Variants in MED11 observed in about 807,000 individuals in gnomAD.
The protein encoded by MED11 is mediator complex subunit 11.
A neutral mutation model predicts 13.9 loss-of-function variants in MED11; 19 were observed. That is an observed-to-expected ratio of 1.36 (90% CI 0.95 to 2.00). The LOEUF (loss-of-function observed/expected upper bound fraction) is 2.00, where lower values mean the gene tolerates loss of function less well. Among genes scored for constraint, MED11 ranks in the 30% most tolerant of loss-of-function variants. MED11 has a pLI of 0.00. For synonymous variants in MED11, 67 were observed against 62.1 expected (o/e 1.08, Z -0.37); for missense variants, 134 against 150.2 (o/e 0.89, Z 0.56).
In MED11 at chr17:4,733,536, G is replaced by T; in HGVS notation, c.*349G>T. 1 of 202,626 alleles carries T rather than the reference G, an allele frequency of 4.9e-6. No homozygotes were observed. 12.6% of individuals were successfully genotyped at this position (202,626 alleles called of 1,614,324 possible). A position where few individuals can be genotyped will look rare whatever the true frequency, so the allele number is the denominator to read the frequency against. ...AATGAAAATACATACTTCTTCATTC[G>T]GAGAGACAAAACAAGAACTAGAGTT... On this transcript the variant is annotated 3_prime_UTR_variant, in exon 3 of 3. Transcript: ENST00000293777.
chr17:4,732,942 C>G (rs772293803), intron 2 of MED11, 108 bp from the exon 3 acceptor site: 16 of 1,271,444 alleles, frequency 1.3e-5, no homozygotes, highest in Non-Finnish European at 1.8e-5. Flanking sequence ...TACCCAGCTA[C>G]CAGATGGCCT....
In MED11 at chr17:4,731,611, A is replaced by G. The variant is rs538378024; in HGVS notation, c.85+37A>G. On this transcript the variant is annotated intron_variant, in intron 1 of 2. Transcript: ENST00000293777. ...GACAACCTGGACAGCGGGGAGCGAA[A>G]GCGTGACCGGGCTGCACTGGCAGCC... The G allele has an allele frequency of 3.5e-4, 570 of 1,613,388 alleles. 11 individuals are homozygous for G. The South Asian group carries it at 6.0e-3, about 17-fold the overall frequency.
intron 2 of MED11, 24 bp downstream of exon 2, chr17:4,731,930 C>T (rs1915992710): frequency 3.7e-6 from 6 of 1,606,586 alleles, no homozygotes; most frequent in Non-Finnish European, 5.1e-6. Flanking sequence ...GGGGGTTCTG[C>T]GAGCGAACCC....
rs904034848 is a variant in MED11 at position 4,731,433 on chromosome 17, C to T, written c.-57C>T. 2 of 1,574,420 alleles carry T rather than the reference C, an allele frequency of 1.3e-6. No individual in the cohort carries two copies. The highest frequency in any genetic ancestry group is 2.7e-5 in the African/African-American group (2 of 74,240). ...GCAGGCGCACACCGAGAGCCACTTC[C>T]GGAACAAGCGTCGCGTTTCTGAGGA... On this transcript the variant is annotated 5_prime_UTR_variant, in exon 1 of 3. Transcript: ENST00000293777.
rs1474474632 is a variant in MED11, at chr17:4,731,553, G to A, written c.64G>A (p.Gly22Ser). ...RALEDIEREIGAILQNAGTVI... is the reference protein window; with the variant it reads ...RALEDIEREISAILQNAGTVI... ...TCTGGAAGACATTGAACGGGAAATC[G>A]GCGCCATCCTTCAGAATGCAGGTTC... The change falls in exon 1 of 3, where the codon GGC becomes AGC. Residue 22 changes from glycine to serine, a missense_variant. Transcript: ENST00000293777. 2 of 1,614,174 alleles carry A rather than the reference G, an allele frequency of 1.2e-6. No homozygotes were observed. The highest frequency in any genetic ancestry group is 1.7e-5 in the Admixed American group (1 of 60,032).
Position 4,733,113 on chromosome 17 carries a change from C to G in MED11, c.280C>G (p.Leu94Val), listed in dbSNP as rs1278905186. Reference sequence around the variant, plus strand: ...TTCGAGGAAGGACTGTCAGATGGCTCTGAAGCGAGTGGACTATGCCCGCCT... The same window carrying G: ...TTCGAGGAAGGACTGTCAGATGGCTGTGAAGCGAGTGGACTATGCCCGCCT... Reference protein sequence around the residue: ...YSSRKDCQMALKRVDYARLKL... With the variant: ...YSSRKDCQMAVKRVDYARLKL... Residue 94 changes from leucine (L) to valine (V), a missense_variant, in exon 3 of 3, where the codon CTG (leucine) becomes GTG (valine). Leu to Val is a conservative substitution (Grantham distance 32). Transcript: ENST00000293777. The G allele has an allele frequency of 6.2e-7, 1 of 1,614,180 alleles. No individual in the cohort carries two copies. Among genetic ancestry groups the G allele is most frequent in the Middle Eastern group, 1.6e-4 (1 of 6,062 alleles).
Position 4,731,786 on chromosome 17 carries a change from C to T in MED11, c.96C>T (p.Ile32=). 6.2e-7 allele frequency: 1 copy of T among 1,614,060 alleles called. No homozygotes were observed. Among genetic ancestry groups the T allele is most frequent in the Non-Finnish European group, 8.5e-7 (1 of 1,179,966 alleles). The change falls in exon 2 of 3, where the codon ATC becomes ATT. Residue 32 remains isoleucine, a synonymous_variant. Transcript: ENST00000293777. The part of the protein sequence containing the change: ...GAILQNAGTV[I]LELSKEKTNE... The stretch of plus-strand genomic sequence containing the variant: ...TCTCCGCCCTGGCAGGTACTGTGAT[C>T]CTAGAATTGTCCAAGGAAAAAACTA...
In MED11 at chr17:4,733,046, GTA is replaced by G; in HGVS notation, c.217-3_217-2del. On this transcript the variant is annotated splice_acceptor_variant and splice_polypyrimidine_tract_variant and intron_variant, in intron 2 of 2. Transcript: ENST00000293777. LOFTEE classifies it high-confidence loss of function. The stretch of plus-strand genomic sequence containing the variant: ...TGGTGCTCCATTGATAGTCTGTCTT[GTA>G]GGTGGCCACAGGGCAGCCCCATGAG... 1 of 1,614,110 alleles carries G rather than the reference GTA, an allele frequency of 6.2e-7. No individual in the cohort carries two copies. Among genetic ancestry groups the G allele is most frequent in the Non-Finnish European group, 8.5e-7 (1 of 1,179,984 alleles).
At chr17:4,732,850 A>G (rs1916027541) in intron 2 of MED11, 200 bp from the exon 3 acceptor site, 1 of 623,070 alleles carries the variant, frequency 1.6e-6, no homozygotes, top group Non-Finnish European at 2.8e-6. Context: ...GCATTACTTT[A>G]TCTAATCCTC....
At chr17:4,732,015 C>A in intron 2 of MED11, 109 bp downstream of exon 2, 1 of 1,341,290 alleles carries the variant, frequency 7.5e-7, no homozygotes, top group Non-Finnish European at 1.0e-6. Context: ...ACCTCCCCAG[C>A]CGGCCATCCA....
At position 4,733,508 on chromosome 17, in the gene MED11, C is replaced by A; in HGVS notation, c.*321C>A. The A allele has an allele frequency of 4.0e-6, 1 of 252,344 alleles. No homozygotes were observed. Among genetic ancestry groups the A allele is most frequent in the Non-Finnish European group, 7.6e-6 (1 of 131,624 alleles). The allele number at this position is 252,344 out of a possible 1,614,324, so 15.6% of individuals were successfully genotyped here. A position where few individuals can be genotyped will look rare whatever the true frequency, so the allele number is the denominator to read the frequency against. Reference sequence around the variant, plus strand: ...TGCCCCAGCCTTCCCGCAGACTTGGCCTAATGAAAATACATACTTCTTCAT... The same window carrying A: ...TGCCCCAGCCTTCCCGCAGACTTGGACTAATGAAAATACATACTTCTTCAT... On this transcript the variant is annotated 3_prime_UTR_variant, in exon 3 of 3. Coordinates refer to ENST00000293777, the MANE Select transcript of MED11 (RefSeq NM_001001683.4).
chr17:4,733,272 T>C lies in MED11; in HGVS notation c.*85T>C, dbSNP rs1430841514. On this transcript the variant is annotated 3_prime_UTR_variant, in exon 3 of 3. Transcript: ENST00000293777. The stretch of plus-strand genomic sequence containing the variant: ...CTGGGAACATGTAGGGTGGGGAGTA[T>C]GAGCACCAACATACCCTGCTGGTCA... 3 of 1,529,902 alleles carry C rather than the reference T, an allele frequency of 2.0e-6. No homozygotes were observed. Among genetic ancestry groups the C allele is most frequent in the Admixed American group, 1.9e-5 (1 of 52,994 alleles). 94.8% of individuals were successfully genotyped at this position (1,529,902 alleles called of 1,614,324 possible).
chr17:4,732,833 A>G, intron 2 of MED11: 1 of 581,626 alleles, frequency 1.7e-6, no homozygotes, highest in Non-Finnish European at 3.0e-6. Flanking sequence ...GGTGTGCCAG[A>G]TACTCTGCAT....
chr17:4,731,673 C>G (rs1184162072), intron 1 of MED11, 99 bp downstream of exon 1: 2 of 1,606,754 alleles, frequency 1.2e-6, no homozygotes, highest in African/African-American at 2.7e-5. Context: ...GGAGGGAATC[C>G]TACGTGCGTG....
At position 4,733,491 on chromosome 17, in the gene MED11, C is replaced by G. The variant is rs1349707656; in HGVS notation, c.*304C>G. On this transcript the variant is annotated 3_prime_UTR_variant, in exon 3 of 3. Coordinates refer to ENST00000293777, the MANE Select transcript of MED11 (RefSeq NM_001001683.4). ...CAAACACTTCATGCTGCTGCCCCAG[C>G]CTTCCCGCAGACTTGGCCTAATGAA... 4 of 283,952 alleles carry G rather than the reference C, an allele frequency of 1.4e-5. No individual in the cohort carries two copies. The highest frequency in any genetic ancestry group is 2.6e-5 in the Non-Finnish European group (4 of 151,076). 17.6% of individuals were successfully genotyped at this position (283,952 alleles called of 1,614,324 possible).
chr17:4,732,990 T>C, intron 2 of MED11, 60 bp from the exon 3 acceptor site: 1 of 1,577,216 alleles, frequency 6.3e-7, no homozygotes, highest in Non-Finnish European at 8.6e-7. Flanking sequence ...AGACGAGACC[T>C]GATGCCTGGT....
At position 4,731,442 on chromosome 17, in the gene MED11, C is replaced by T. The variant is rs1869346126; in HGVS notation, c.-48C>T. 30 of 1,585,940 alleles carry T rather than the reference C, an allele frequency of 1.9e-5. No homozygotes were observed. Among genetic ancestry groups the T allele is most frequent in the Non-Finnish European group, 2.5e-5 (29 of 1,155,658 alleles). ...CACCGAGAGCCACTTCCGGAACAAGCGTCGCGTTTCTGAGGAGAAACTCTT... is the reference window on the plus strand; with the variant it reads ...CACCGAGAGCCACTTCCGGAACAAGTGTCGCGTTTCTGAGGAGAAACTCTT... On this transcript the variant is annotated 5_prime_UTR_variant, in exon 1 of 3. Transcript: ENST00000293777.
In MED11 at chr17:4,731,532, G is replaced by A. The variant is rs747044170; in HGVS notation, c.43G>A (p.Glu15Lys). 1 of 1,614,172 alleles carries A rather than the reference G, an allele frequency of 6.2e-7. No homozygotes were observed. Among genetic ancestry groups the A allele is most frequent in the South Asian group, 1.1e-5 (1 of 91,074 alleles). ...GGCGAACGAGAGACTACGCGCTCTG[G>A]AAGACATTGAACGGGAAATCGGCGC... is the stretch of plus-strand genomic sequence containing the variant. ...SLANERLRAL[E>K]DIEREIGAIL... Residue 15 changes from glutamate to lysine, a missense_variant, in exon 1 of 3, where the codon GAA (glutamate) becomes AAA (lysine). Transcript: ENST00000293777.
chr17:4,731,960 C>G (rs879831296), intron 2 of MED11, 54 bp downstream of exon 2: 46 of 1,590,220 alleles, frequency 2.9e-5, no homozygotes, highest in Non-Finnish European at 3.8e-5. Context: ...GTCAAAGCCT[C>G]AGGCTTGGGT....
Sources: gnomAD v4.1 joint callset for allele counts on GRCh38, gnomAD v4.1.1 for gene constraint, MANE v1.5 for transcripts, NCBI Gene and HGNC (gene_info 2026-07-23, HGNC 2026-07-21) for gene names.